The following ZFAT variants were observed in gnomAD, a reference collection of about 807,000 sequenced individuals.
The protein encoded by ZFAT is zinc finger protein ZFAT.
Under a neutral mutation model 117.7 loss-of-function variants are expected in ZFAT, and 64 were observed. The ratio of observed to expected loss-of-function variants is 0.54; its 90% CI spans 0.44 to 0.67. The LOEUF is 0.67. Ranked by LOEUF, ZFAT falls within the 30% of genes least tolerant of loss-of-function variation. ZFAT has a pLI of 0.00. For synonymous variants in ZFAT, 679 were observed against 615.0 expected, an observed-to-expected ratio of 1.10 and a Z score of -1.54; for missense variants, 1,433 against 1,584.5, an observed-to-expected ratio of 0.90 and a Z score of 1.62.
intron 9 of ZFAT, among the ~76,000 whole-genome samples, 166 bp from the exon 10 acceptor site, chr8:134,584,171 C>A (rs1157793185): frequency 2.0e-5 from 3 of 152,196 alleles, no homozygotes; most frequent in Non-Finnish European, 4.4e-5. Context: ...TAACACACCA[C>A]ACACTTTCCA....
At chr8:134,659,507 C>T (rs1030037824) in intron 1 of ZFAT, among the ~76,000 whole-genome samples, 4 of 152,194 alleles carry the variant, frequency 2.6e-5, no homozygotes, top group Non-Finnish European at 4.4e-5. Flanking sequence ...TGCCTGATTG[C>T]CTGCACCCAG....
intron 1 of ZFAT, among the ~76,000 whole-genome samples, chr8:134,694,595 C>T (rs1833736128): frequency 6.6e-6 from 1 of 152,190 alleles, no homozygotes; most frequent in Admixed American, 6.5e-5. Context: ...GAGGTCAACA[C>T]ACAACAGGCT....
chr8:134,706,659 T>C (rs1004192217), intron 1 of ZFAT, among the ~76,000 whole-genome samples: 1 of 151,958 alleles, frequency 6.6e-6, no homozygotes, highest in Non-Finnish European at 1.5e-5. Context: ...GCCATTGCCC[T>C]CCATCCTGGG....
the ZFAT span, among the ~76,000 whole-genome samples, chr8:134,820,811 A>G: frequency 6.6e-6 from 1 of 152,218 alleles, no homozygotes; most frequent in Non-Finnish European, 1.5e-5. Context: ...ATAGTCTACC[A>G]CAGTGCCTTC....
intron 3 of ZFAT, among the ~76,000 whole-genome samples, chr8:134,618,974 G>T (rs1320476425): frequency 6.6e-6 from 1 of 152,152 alleles, no homozygotes; most frequent in Non-Finnish European, 1.5e-5. Context: ...CACACAGCAC[G>T]TTAGAAGGTA....
At chr8:134,501,101 T>C (rs1042403844) in intron 15 of ZFAT, among the ~76,000 whole-genome samples, 21 of 152,186 alleles carry the variant, frequency 1.4e-4, no homozygotes, top group Admixed American at 1.4e-3. Context: ...GACTTCAGTA[T>C]TTTACAAAGA....
intron 1 of ZFAT, among the ~76,000 whole-genome samples, chr8:134,709,857 C>T (rs543985447): frequency 2.6e-5 from 4 of 152,142 alleles, no homozygotes; most frequent in African/African-American, 7.2e-5. Flanking sequence ...TGCGGTAAGA[C>T]GGCTCCAATT....
intron 3 of ZFAT, among the ~76,000 whole-genome samples, chr8:134,613,143 CG>C (rs966719092): frequency 2.0e-5 from 3 of 152,070 alleles, no homozygotes; most frequent in African/African-American, 7.2e-5. Context: ...TGCTTTATAC[CG>C]GAATTCACCA....
intron 11 of ZFAT, among the ~76,000 whole-genome samples, chr8:134,557,368 C>G (rs1442505418): frequency 6.6e-6 from 1 of 152,138 alleles, no homozygotes; most frequent in Non-Finnish European, 1.5e-5. Flanking sequence ...GACATGAGGA[C>G]TAAGGTACTG....
intron 1 of ZFAT, among the ~76,000 whole-genome samples, chr8:134,703,078 AAC>A (rs1383768968): frequency 6.6e-6 from 1 of 152,228 alleles, no homozygotes; most frequent in Non-Finnish European, 1.5e-5. Context: ...GAAGCCAGCA[AAC>A]TATTTTCCAA....
chr8:134,831,987 C>T, the ZFAT span, among the ~76,000 whole-genome samples: 1 of 150,532 alleles, frequency 6.6e-6, no homozygotes, highest in African/African-American at 2.4e-5. Context: ...CTCACCTGGC[C>T]CGGGGTCGGG....
At chr8:134,695,086 A>G (rs979503441) in intron 1 of ZFAT, among the ~76,000 whole-genome samples, 2 of 152,214 alleles carry the variant, frequency 1.3e-5, no homozygotes, top group African/African-American at 4.8e-5. Flanking sequence ...GGAGCCAGGC[A>G]GGGAGAACCC....
chr8:134,573,247 T>C (rs1825061040), intron 10 of ZFAT, among the ~76,000 whole-genome samples: 1 of 152,090 alleles, frequency 6.6e-6, no homozygotes, highest in South Asian at 2.1e-4. Flanking sequence ...CGTGTATGTG[T>C]GCATGTGTGT....
rs192745154 is a variant in ZFAT, at chr8:134,649,471, T to C, written c.196+8090A>G. On this transcript the variant is annotated intron_variant, in intron 2 of 15. Transcript: ENST00000377838. ...TTTAGAAGTTTTTTTAAAAAACTAA[T>C]AAACAAGTTCACAAGATCTAATAAA... Among the ~76,000 whole-genome samples, 85 of 152,284 alleles carry C rather than the reference T, an allele frequency of 5.6e-4. No individual in the cohort carries two copies. In the East Asian group the frequency reaches 0.011, roughly 19 times the overall value.
At chr8:134,724,014 CA>C in the ZFAT span, 1 of 152,368 alleles carries the variant, frequency 6.6e-6, no homozygotes, top group African/African-American at 2.4e-5. Flanking sequence ...AAAACCTACG[CA>C]GCTGCTTTTA....
At chr8:134,619,756 C>T (rs966505087) in intron 3 of ZFAT, among the ~76,000 whole-genome samples, 10 of 152,212 alleles carry the variant, frequency 6.6e-5, no homozygotes, top group African/African-American at 1.9e-4. Flanking sequence ...GCACATGCCA[C>T]GGTCTCCCTC....
intron 11 of ZFAT, among the ~76,000 whole-genome samples, chr8:134,556,651 C>T (rs1191447328): frequency 6.6e-6 from 1 of 152,108 alleles, no homozygotes; most frequent in Admixed American, 6.5e-5. Context: ...AGGGATGGAA[C>T]ATTTTTAGAG....
intron 11 of ZFAT, among the ~76,000 whole-genome samples, chr8:134,546,453 G>T (rs1376177327): frequency 6.6e-6 from 1 of 152,278 alleles, no homozygotes; most frequent in South Asian, 2.1e-4. Flanking sequence ...AAGTCACCCT[G>T]AGAAGTGTGT....
At chr8:134,717,385 G>A (rs755210756), upstream of ZFAT, among the ~76,000 whole-genome samples, 1 of 144,232 alleles carries the variant, frequency 6.9e-6, no homozygotes, top group Non-Finnish European at 1.5e-5. Flanking sequence ...TCTCTCTGTG[G>A]TCCAATAAGG....
Sources: allele counts gnomAD v4.1 joint callset (sites outside exome capture counted in the v4.1 genomes callset), GRCh38; gene constraint gnomAD v4.1.1; transcripts MANE v1.5; gene names NCBI Gene and HGNC (gene_info 2026-07-23, HGNC 2026-07-21).